VAMP3: variants seen among roughly 807,000 people sequenced by gnomAD.
VAMP3 encodes the protein vesicle associated membrane protein 3.
VAMP3 carries 11 observed loss-of-function variants against 18.1 expected under a neutral mutation model. The observed-to-expected ratio is 0.61, with a 90% confidence interval of 0.38 to 1.00. The LOEUF (loss-of-function observed/expected upper bound fraction) is 1.00, where lower values mean the gene tolerates loss of function less well. Ranked by LOEUF, VAMP3 falls within the 50% of genes least tolerant of loss-of-function variation. VAMP3 has a pLI of 0.01. For synonymous variants in VAMP3, 49 were observed against 43.1 expected, an observed-to-expected ratio of 1.14 and a Z score of -0.53; for missense variants, 122 against 127.3, an observed-to-expected ratio of 0.96 and a Z score of 0.20.
At chr1:7,773,024 C>T (rs2097052048) in intron 1 of VAMP3, 1 of 156,550 alleles carries the variant, frequency 6.4e-6, no homozygotes, top group Non-Finnish European at 1.4e-5. Flanking sequence ...TCTATTTTTC[C>T]ATATTGGAAA....
intron 1 of VAMP3, among the ~76,000 whole-genome samples, chr1:7,772,298 G>A (rs2097051526): frequency 6.6e-6 from 1 of 152,184 alleles, no homozygotes; most frequent in Non-Finnish European, 1.5e-5. Context: ...CCGTGAGGAC[G>A]GTGATGAGAT....
chr1:7,773,190 G>T (rs776790797), intron 1 of VAMP3: 4 of 467,816 alleles, frequency 8.6e-6, no homozygotes, highest in Non-Finnish European at 1.6e-5. Context: ...GATACTTCAG[G>T]GATACAAAGT....
chr1:7,776,190 A>G (rs1475112227), intron 2 of VAMP3, among the ~76,000 whole-genome samples: 1 of 152,174 alleles, frequency 6.6e-6, no homozygotes, highest in Non-Finnish European at 1.5e-5. Flanking sequence ...TCTCTTAACA[A>G]TTTCTCTTAG....
intron 2 of VAMP3, among the ~76,000 whole-genome samples, chr1:7,774,750 G>A (rs1404406684): frequency 2.0e-5 from 3 of 152,134 alleles, no homozygotes; most frequent in East Asian, 1.9e-4. Context: ...TCCTTTTTAC[G>A]GTTGAGTAAT....
chr1:7,779,685 T>C lies in VAMP3; in HGVS notation c.*40T>C, dbSNP rs2097056135. On this transcript the variant is annotated 3_prime_UTR_variant, in exon 5 of 5. Transcript: ENST00000054666. ...TCAAAACTGCTGTTCAAGAAACCTC[T>C]TCAAGACTTTTGACTTAGAACCTGC... is the stretch of plus-strand genomic sequence containing the variant. 2 of 1,613,820 alleles carry C rather than the reference T, an allele frequency of 1.2e-6. No individual in the cohort carries two copies. The highest frequency in any genetic ancestry group is 1.3e-5 in the African/African-American group (1 of 74,910).
intron 2 of VAMP3, 72 bp downstream of exon 2, chr1:7,773,583 G>GT: frequency 7.0e-7 from 1 of 1,426,084 alleles, no homozygotes; most frequent in Admixed American, 1.9e-5. Flanking sequence ...TTTAGAAAAA[G>GT]TATCATCAAA....
Position 7,774,327 on chromosome 1 carries a change from TTC to T in VAMP3, c.72+818_72+819del, listed in dbSNP as rs1241596953. Among the ~76,000 whole-genome samples, 6 of 150,790 alleles carry T rather than the reference TTC, an allele frequency of 4.0e-5. No individual in the cohort carries two copies. The East Asian group carries it at 5.8e-4, about 15-fold the overall frequency. On this transcript the variant is annotated intron_variant, in intron 2 of 4. Transcript: ENST00000054666. Reference sequence around the variant, plus strand: ...ATTGTAATTCTGTCCTGCCTGGAAATTCTGTTTACTTACAAAATCAAATTGGA... The same window carrying T: ...ATTGTAATTCTGTCCTGCCTGGAAATTGTTTACTTACAAAATCAAATTGGA...
At chr1:7,771,606 C>T (rs933080565) in intron 1 of VAMP3, among the ~76,000 whole-genome samples, 30 of 152,044 alleles carry the variant, frequency 2.0e-4, no homozygotes, top group African/African-American at 6.3e-4. Context: ...GGGGCAAGGG[C>T]GGGGCGGCGA....
intron 4 of VAMP3, 78 bp downstream of exon 4, chr1:7,778,247 T>A: frequency 1.3e-6 from 2 of 1,558,150 alleles, no homozygotes; most frequent in Non-Finnish European, 1.8e-6. Flanking sequence ...GTACAAGAAC[T>A]CAGATTAAAA....
rs2097056214 is a variant in VAMP3 at position 7,779,816 on chromosome 1, T to TA, written c.*172dup. 1 of 795,144 alleles carries TA rather than the reference T, an allele frequency of 1.3e-6. No homozygotes were observed. Among genetic ancestry groups the TA allele is most frequent in the Non-Finnish European group, 2.0e-6 (1 of 505,016 alleles). 49.3% of individuals were successfully genotyped at this position (795,144 alleles called of 1,614,324 possible). Reference sequence around the variant, plus strand: ...TTGTTTTTTAATATGCACTCCAAATTAGAAGGCCGGCCCCGTCCACATTTT... The same window carrying TA: ...TTGTTTTTTAATATGCACTCCAAATTAAGAAGGCCGGCCCCGTCCACATTTT... On this transcript the variant is annotated 3_prime_UTR_variant, in exon 5 of 5. Coordinates refer to ENST00000054666, the MANE Select transcript of VAMP3 (RefSeq NM_004781.4).
At position 7,778,105 on chromosome 1, in the gene VAMP3, T is replaced by C. The variant is rs928913415; in HGVS notation, c.232-13T>C. 3 of 1,613,936 alleles carry C rather than the reference T, an allele frequency of 1.9e-6. No homozygotes were observed. The highest frequency in any genetic ancestry group is 2.7e-5 in the African/African-American group (2 of 74,930). On this transcript the variant is annotated splice_polypyrimidine_tract_variant and intron_variant, in intron 3 of 4. Coordinates refer to ENST00000054666, the MANE Select transcript of VAMP3 (RefSeq NM_004781.4). ...GCATTTGAAATGTGATATGGACATA[T>C]GTTTTGTTACAGATGTGGGCAATCG...
rs145381253 is a variant in VAMP3, at chr1:7,773,646, T to C, written c.72+135T>C. ...TATCATAATTGTAACGAAACTTTGC[T>C]CCCTGCTGTGCTGGAAGATCTAATC... On this transcript the variant is annotated intron_variant, in intron 2 of 4. Transcript: ENST00000054666. 487 of 850,566 alleles carry C rather than the reference T, an allele frequency of 5.7e-4. 4 individuals carry two copies. In the Middle Eastern group the frequency reaches 0.013, roughly 23 times the overall value. 52.7% of individuals were successfully genotyped at this position (850,566 alleles called of 1,614,324 possible). A position where few individuals can be genotyped will look rare whatever the true frequency, so the allele number is the denominator to read the frequency against.
intron 2 of VAMP3, among the ~76,000 whole-genome samples, chr1:7,775,030 A>G (rs184873768): frequency 8.5e-4 from 130 of 152,354 alleles, no homozygotes; most frequent in Middle Eastern, 3.4e-3. Context: ...GCAATGTCCA[A>G]GAGTTCCTGT....
At chr1:7,771,529 G>A (rs1478461376) in intron 1 of VAMP3, 144 bp downstream of exon 1, 3 of 1,091,906 alleles carry the variant, frequency 2.7e-6, no homozygotes, top group Non-Finnish European at 3.6e-6. Context: ...GGGGGTGGGC[G>A]GTGGCCCTTG....
intron 3 of VAMP3, 70 bp from the exon 4 acceptor site, chr1:7,778,048 A>G: frequency 6.6e-7 from 1 of 1,524,334 alleles, no homozygotes; most frequent in South Asian, 1.1e-5. Flanking sequence ...GATGAATATT[A>G]TATAATACTC....
intron 1 of VAMP3, 200 bp from the exon 2 acceptor site, chr1:7,773,242 G>C (rs2239846): frequency 1.1e-5 from 6 of 571,412 alleles, no homozygotes; most frequent in Non-Finnish European, 1.9e-5. Context: ...TAGTAGGTGG[G>C]ACAGTCTTGG....
Position 7,781,124 on chromosome 1 carries a change from A to G in VAMP3, c.*1479A>G, listed in dbSNP as rs2097056942. 1 of 152,818 alleles carries G rather than the reference A, an allele frequency of 6.5e-6. No individual in the cohort carries two copies. The highest frequency in any genetic ancestry group is 2.4e-5 in the African/African-American group (1 of 41,462). 9.5% of individuals were successfully genotyped at this position (152,818 alleles called of 1,614,324 possible). ...CAACAGCTGAGGCGCACCAGGACAC[A>G]GCTTCCATTTCTTTAACGTCTGTTC... On this transcript the variant is annotated 3_prime_UTR_variant, in exon 5 of 5. Coordinates refer to ENST00000054666, the MANE Select transcript of VAMP3 (RefSeq NM_004781.4).
intron 4 of VAMP3, among the ~76,000 whole-genome samples, chr1:7,778,410 G>A (rs2097055391): frequency 1.3e-5 from 2 of 152,074 alleles, no homozygotes; most frequent in African/African-American, 4.8e-5. Flanking sequence ...GTGCACACCT[G>A]TAAGTCCCAG....
At chr1:7,778,096 A>G in intron 3 of VAMP3, 22 bp from the exon 4 acceptor site, 2 of 1,613,160 alleles carry the variant, frequency 1.2e-6, no homozygotes, top group Non-Finnish European at 1.7e-6. Flanking sequence ...GAAATGTGAT[A>G]TGGACATATG....
Sources: gnomAD v4.1 joint callset for allele counts (sites outside exome capture counted in the v4.1 genomes callset) on GRCh38, gnomAD v4.1.1 for gene constraint, MANE v1.5 for transcripts, NCBI Gene and HGNC (gene_info 2026-07-23, HGNC 2026-07-21) for gene names.